Variants in AFAP1L1 observed in about 807,000 individuals in gnomAD.
AFAP1L1 encodes the protein actin filament-associated protein 1-like 1.
AFAP1L1 carries 77 observed loss-of-function variants against 99.8 expected under a neutral mutation model. That is an observed-to-expected ratio of 0.77 (90% CI 0.64 to 0.93). The LOEUF (loss-of-function observed/expected upper bound fraction) is 0.93, where lower values mean the gene tolerates loss of function less well. Ranked by LOEUF, AFAP1L1 falls within the 40% of genes least tolerant of loss-of-function variation. The pLI is 0.00. For synonymous variants in AFAP1L1, 373 were observed against 395.3 expected (o/e 0.94, Z 0.67); for missense variants, 893 against 996.8 (o/e 0.90, Z 1.40).
chr5:149,334,856 G>A (rs553198170), intron 17 of AFAP1L1, among the ~76,000 whole-genome samples: 1 of 152,058 alleles, frequency 6.6e-6, no homozygotes, highest in Admixed American at 6.5e-5. Flanking sequence ...TCCAGCCTTG[G>A]CAAGAGAGCA....
chr5:149,285,914 C>T (rs546114905), intron 1 of AFAP1L1, among the ~76,000 whole-genome samples: 2 of 152,294 alleles, frequency 1.3e-5, no homozygotes, highest in South Asian at 4.1e-4. Context: ...CACTTAGCCC[C>T]TCCCCAGTGC....
At position 149,342,005 on chromosome 5, in the gene AFAP1L1, G is replaced by T. The variant is rs921861984; in HGVS notation, c.*1975G>T. Among the ~76,000 whole-genome samples, 1 of 152,154 alleles carries T rather than the reference G, an allele frequency of 6.6e-6. No homozygotes were observed. Among genetic ancestry groups the T allele is most frequent in the African/African-American group, 2.4e-5 (1 of 41,414 alleles). On this transcript the variant is annotated 3_prime_UTR_variant, in exon 19 of 19. Coordinates refer to ENST00000296721, the MANE Select transcript of AFAP1L1 (RefSeq NM_152406.4). ...TGAACTCTCAGAGGAGTGGCTGGGG[G>T]TAATTAATAATTAACATTTATCAAG...
chr5:149,275,508 T>C (rs1387852835), intron 1 of AFAP1L1, among the ~76,000 whole-genome samples: 1 of 152,014 alleles, frequency 6.6e-6, no homozygotes, highest in East Asian at 1.9e-4. Flanking sequence ...TCTTTCTTCA[T>C]TTTTTAATTT....
intron 1 of AFAP1L1, among the ~76,000 whole-genome samples, chr5:149,287,299 A>G (rs1463970341): frequency 6.6e-6 from 1 of 152,162 alleles, no homozygotes; most frequent in Non-Finnish European, 1.5e-5. Flanking sequence ...TACTAAAACT[A>G]TATAGAGGGG....
intron 1 of AFAP1L1, among the ~76,000 whole-genome samples, chr5:149,274,976 T>A (rs1755267831): frequency 6.6e-6 from 1 of 152,118 alleles, no homozygotes; most frequent in South Asian, 2.1e-4. Flanking sequence ...AGGGAAGGCT[T>A]AAGAAGCACA....
chr5:149,312,444 C>T, intron 9 of AFAP1L1: 1 of 559,482 alleles, frequency 1.8e-6, no homozygotes, highest in Non-Finnish European at 3.2e-6. Flanking sequence ...GTGATGCACC[C>T]TGCCAGGACA....
chr5:149,278,299 C>G (rs1755402960), intron 1 of AFAP1L1, among the ~76,000 whole-genome samples: 1 of 152,150 alleles, frequency 6.6e-6, no homozygotes, highest in African/African-American at 2.4e-5. Flanking sequence ...CCTTTCACCT[C>G]CTGCAGCCTT....
At chr5:149,327,914 GA>G (rs1437089615) in intron 15 of AFAP1L1, among the ~76,000 whole-genome samples, 1 of 152,156 alleles carries the variant, frequency 6.6e-6, no homozygotes, top group Non-Finnish European at 1.5e-5. Flanking sequence ...CAAATTTATT[GA>G]AAAACATTAA....
chr5:149,307,667 G>A, intron 7 of AFAP1L1, 54 bp downstream of exon 7: 2 of 1,566,406 alleles, frequency 1.3e-6, no homozygotes, highest in Non-Finnish European at 1.7e-6. Context: ...TTGCATGTGG[G>A]TGTGTCTCTA....
At chr5:149,272,773 G>C (rs961771330) in intron 1 of AFAP1L1, among the ~76,000 whole-genome samples, 6 of 148,858 alleles carry the variant, frequency 4.0e-5, no homozygotes, top group Non-Finnish European at 6.0e-5. Flanking sequence ...CGCGATCTTG[G>C]CTCACTGCAA....
At position 149,343,019 on chromosome 5, in the gene AFAP1L1, C is replaced by G. The variant is rs1175439948; in HGVS notation, c.*2989C>G. ...TGTCAGAATTCTACTGTCACTGTTT[C>G]CTTATTGCGGGATCTTGCATAGGTT... On this transcript the variant is annotated 3_prime_UTR_variant, in exon 19 of 19. Transcript: ENST00000296721. Among the ~76,000 whole-genome samples, 1 of 152,154 alleles carries G rather than the reference C, an allele frequency of 6.6e-6. No individual in the cohort carries two copies. Among genetic ancestry groups the G allele is most frequent in the African/African-American group, 2.4e-5 (1 of 41,446 alleles).
chr5:149,299,424 A>G, intron 1 of AFAP1L1, 85 bp from the exon 2 acceptor site: 1 of 1,559,906 alleles, frequency 6.4e-7, no homozygotes, highest in Non-Finnish European at 8.7e-7. Flanking sequence ...CCTTCCGCCC[A>G]ACTCTAGGTG....
At position 149,315,907 on chromosome 5, in the gene AFAP1L1, T is replaced by C. The variant is rs1440987895; in HGVS notation, c.1107T>C (p.Cys369=). Residue 369 remains cysteine, a synonymous_variant, in exon 10 of 19, where the codon TGT becomes TGC. Coordinates refer to ENST00000296721, the MANE Select transcript of AFAP1L1 (RefSeq NM_152406.4). Reference sequence around the variant, plus strand: ...CTACCCTTGGCCGCCGGGAGACCTGTGATCACGGTAGGAGCCTCTGGGGGC... The same window carrying C: ...CTACCCTTGGCCGCCGGGAGACCTGCGATCACGGTAGGAGCCTCTGGGGGC... ...NCSTLGRRET[C]DHGKGKKSSL... 1 of 1,614,098 alleles carries C rather than the reference T, an allele frequency of 6.2e-7. No homozygotes were observed. Among genetic ancestry groups the C allele is most frequent in the East Asian group, 2.2e-5 (1 of 44,862 alleles).
rs1757571103 is a variant in AFAP1L1, at chr5:149,341,926, A to G, written c.*1896A>G. The G allele has an allele frequency of 6.6e-6, 1 of 152,170 alleles. No individual in the cohort carries two copies. Among genetic ancestry groups the G allele is most frequent in the Admixed American group, 6.5e-5 (1 of 15,282 alleles). The allele number at this position is 152,170 out of a possible 1,614,324, so 9.4% of individuals were successfully genotyped here. ...TCCAACTATGTCTTCAGTGTCTGTCATACTCTTTCTTATGCAGTTATTTTG... is the reference window on the plus strand; with the variant it reads ...TCCAACTATGTCTTCAGTGTCTGTCGTACTCTTTCTTATGCAGTTATTTTG... On this transcript the variant is annotated 3_prime_UTR_variant, in exon 19 of 19. Transcript: ENST00000296721.
At chr5:149,321,722 C>CAAAAAAA (rs57366142) in intron 14 of AFAP1L1, among the ~76,000 whole-genome samples, 2 of 63,766 alleles carry the variant, frequency 3.1e-5, no homozygotes, top group Admixed American at 3.9e-4. Context: ...GACTCTGTCT[C>CAAAAAAA]AAAAAAAAAA....
chr5:149,296,336 A>G (rs577303493), intron 1 of AFAP1L1, among the ~76,000 whole-genome samples: 74 of 152,350 alleles, frequency 4.9e-4, no homozygotes, highest in African/African-American at 1.7e-3. Context: ...GCCTGGCCCA[A>G]TAATTTTTAA....
At chr5:149,307,637 T>A (rs764421882) in intron 7 of AFAP1L1, 24 bp downstream of exon 7, 1 of 1,609,388 alleles carries the variant, frequency 6.2e-7, no homozygotes, top group Non-Finnish European at 8.5e-7. Context: ...AGCAGCCATG[T>A]GCCTCGGCCT....
intron 12 of AFAP1L1, among the ~76,000 whole-genome samples, chr5:149,318,145 G>A (rs1756853251): frequency 6.6e-6 from 1 of 152,182 alleles, no homozygotes; most frequent in Non-Finnish European, 1.5e-5. Context: ...GGTAAGCCAC[G>A]AACATTACCT....
chr5:149,328,730 C>T (rs1757163404), intron 15 of AFAP1L1, among the ~76,000 whole-genome samples: 1 of 152,162 alleles, frequency 6.6e-6, no homozygotes. Context: ...AGGAGAATCG[C>T]TTGAACCCCA....
Sources: allele counts gnomAD v4.1 joint callset (sites outside exome capture counted in the v4.1 genomes callset), GRCh38; gene constraint gnomAD v4.1.1; transcripts MANE v1.5; gene names NCBI Gene and HGNC (gene_info 2026-07-23, HGNC 2026-07-21).